The following EYA2 variants were observed in gnomAD, a reference collection of about 807,000 sequenced individuals.
EYA2 encodes the protein protein phosphatase EYA2.
EYA2 carries 31 observed loss-of-function variants against 69.2 expected under a neutral mutation model. The observed-to-expected ratio is 0.45, with a 90% CI of 0.34 to 0.60. The LOEUF (loss-of-function observed/expected upper bound fraction) is 0.60, where lower values mean the gene tolerates loss of function less well. EYA2 is among the 20% of genes least tolerant of loss of function. EYA2 has a pLI of 0.02. For missense variants in EYA2, 622 were observed against 701.2 expected (o/e 0.89, Z 1.28); for synonymous variants, 257 against 279.4 (o/e 0.92, Z 0.80).
At chr20:46,958,569 G>C (rs562746167) in intron 1 of EYA2, among the ~76,000 whole-genome samples, 4 of 152,250 alleles carry the variant, frequency 2.6e-5, no homozygotes, top group African/African-American at 9.6e-5. Context: ...AAACTGTTAA[G>C]TTCAGGGGTA....
intron 9 of EYA2, among the ~76,000 whole-genome samples, chr20:47,115,386 C>A (rs142447079): frequency 1.3e-4 from 20 of 152,292 alleles, no homozygotes; most frequent in Admixed American, 4.6e-4. Flanking sequence ...GTATGCTATT[C>A]TGAATTCTTA....
intron 1 of EYA2, among the ~76,000 whole-genome samples, chr20:46,902,142 G>C (rs1361238528): frequency 6.6e-6 from 1 of 152,220 alleles, no homozygotes; most frequent in Non-Finnish European, 1.5e-5. Flanking sequence ...TTGGGGGTTT[G>C]CTAGAGGTTT....
rs372743294 is a variant in EYA2, at chr20:47,057,139, G to GAGGGAGGA, written c.416-15043_416-15042insGAGGAAGG. Among the ~76,000 whole-genome samples the GAGGGAGGA allele has an allele frequency of 8.8e-4, 114 of 129,178 alleles. 1 individual carries two copies. The highest frequency in any genetic ancestry group is 2.2e-3 in the East Asian group (9 of 4,002). 84.7% of individuals were successfully genotyped at this position (129,178 alleles called of 152,430 possible). A position where few individuals can be genotyped will look rare whatever the true frequency, so the allele number is the denominator to read the frequency against. ...GGGAAGGAAGAAGACAGGAAGGAGG[G>GAGGGAGGA]AGGAAGGAAGGAAGGAAGGAAGGAA... On this transcript the variant is annotated intron_variant, in intron 5 of 15. Transcript: ENST00000327619.
At chr20:47,138,487 C>T (rs532576504) in intron 9 of EYA2, among the ~76,000 whole-genome samples, 14 of 152,096 alleles carry the variant, frequency 9.2e-5, no homozygotes, top group African/African-American at 2.4e-4. Context: ...TGGTGGCTCA[C>T]GCCTGTAATC....
chr20:47,046,782 T>A (rs2030061750), intron 5 of EYA2, among the ~76,000 whole-genome samples: 1 of 148,154 alleles, frequency 6.7e-6, no homozygotes, highest in African/African-American at 2.7e-5. Context: ...TTAAGGTGAG[T>A]TCAAGAGTTC....
At chr20:47,166,467 G>A (rs2034197320) in intron 10 of EYA2, among the ~76,000 whole-genome samples, 1 of 114,664 alleles carries the variant, frequency 8.7e-6, no homozygotes, top group Admixed American at 1.1e-4. Flanking sequence ...AAAGAGATCT[G>A]TTCAAAATGT....
At chr20:47,104,469 C>T (rs1406126745) in intron 9 of EYA2, among the ~76,000 whole-genome samples, 1 of 151,998 alleles carries the variant, frequency 6.6e-6, no homozygotes, top group Non-Finnish European at 1.5e-5. Context: ...TCTTTGGTTA[C>T]TTTTGCTTTT....
intron 9 of EYA2, among the ~76,000 whole-genome samples, chr20:47,135,875 A>C (rs1195798821): frequency 1.3e-5 from 2 of 149,196 alleles, no homozygotes; most frequent in African/African-American, 5.0e-5. Flanking sequence ...TTAATTAATT[A>C]ATTAGCTAGG....
At chr20:47,119,027 G>C (rs1016549199) in intron 9 of EYA2, among the ~76,000 whole-genome samples, 1 of 152,152 alleles carries the variant, frequency 6.6e-6, no homozygotes, top group African/African-American at 2.4e-5. Context: ...TGCTGCTCAC[G>C]ATGATAAGTG....
intron 1 of EYA2, among the ~76,000 whole-genome samples, chr20:46,908,863 T>A: frequency 9.0e-6 from 1 of 110,712 alleles, no homozygotes; most frequent in South Asian, 3.4e-4. Context: ...TAAGCCTCTC[T>A]CCCGCACTTT....
chr20:46,940,950 C>T (rs1034642250), intron 1 of EYA2, among the ~76,000 whole-genome samples: 3 of 152,222 alleles, frequency 2.0e-5, no homozygotes, highest in Non-Finnish European at 2.9e-5. Flanking sequence ...CCATCTGTCT[C>T]GCCACCTGCA....
rs200769878 is a variant in EYA2, at chr20:47,000,671, C to CT, written c.110-756dup. Among the ~76,000 whole-genome samples, 1,215 of 152,302 alleles carry CT rather than the reference C, an allele frequency of 8.0e-3. 15 individuals carry two copies. Among genetic ancestry groups the CT allele is most frequent in the African/African-American group, 0.028 (1,156 of 41,570 alleles). On this transcript the variant is annotated intron_variant, in intron 2 of 15. Coordinates refer to ENST00000327619, the MANE Select transcript of EYA2 (RefSeq NM_005244.5). ...GGCAAACGTCTCTCCCAGCTTAACT[C>CT]TGTCACCTTTTCGTCACCCCCTGCA...
At chr20:47,101,580 G>T (rs1412256403) in intron 9 of EYA2, among the ~76,000 whole-genome samples, 2 of 152,204 alleles carry the variant, frequency 1.3e-5, no homozygotes, top group African/African-American at 4.8e-5. Context: ...AGAAGAATGG[G>T]TATTAGAGGA....
At chr20:47,112,899 T>C (rs2032788169) in intron 9 of EYA2, among the ~76,000 whole-genome samples, 1 of 118,064 alleles carries the variant, frequency 8.5e-6, no homozygotes, top group Non-Finnish European at 1.7e-5. Context: ...TGAGACGGAG[T>C]CTTATTCTGT....
chr20:47,075,111 C>CA (rs928093741), intron 7 of EYA2, among the ~76,000 whole-genome samples: 4 of 152,190 alleles, frequency 2.6e-5, no homozygotes, highest in Admixed American at 6.5e-5. Flanking sequence ...AACTCCATCT[C>CA]AAAAAATTAA....
At chr20:47,011,713 C>T (rs2146362625) in intron 4 of EYA2, among the ~76,000 whole-genome samples, 1 of 152,280 alleles carries the variant, frequency 6.6e-6, no homozygotes, top group Non-Finnish European at 1.5e-5. Context: ...CCTCTTCCTC[C>T]TCCTCCAAGG....
chr20:47,115,644 C>G (rs1011047975), intron 9 of EYA2, among the ~76,000 whole-genome samples: 1 of 152,142 alleles, frequency 6.6e-6, no homozygotes, highest in Non-Finnish European at 1.5e-5. Context: ...CTCCTCCGCC[C>G]TCTCCACGGG....
intron 15 of EYA2, among the ~76,000 whole-genome samples, 187 bp from the exon 16 acceptor site, chr20:47,187,866 G>A (rs3818009): frequency 0.49 from 73,906 of 152,036 alleles, 18,414 homozygotes; most frequent in African/African-American, 0.58. Context: ...GAATAGAAAT[G>A]GTTGGCCATA....
At chr20:47,010,953 A>G (rs1453964894) in intron 4 of EYA2, among the ~76,000 whole-genome samples, 1 of 151,950 alleles carries the variant, frequency 6.6e-6, no homozygotes, top group Non-Finnish European at 1.5e-5. Flanking sequence ...ACACCCAGCT[A>G]ATTTTTTGTA....
Sources: gnomAD v4.1 joint callset for allele counts (sites outside exome capture counted in the v4.1 genomes callset) on GRCh38, gnomAD v4.1.1 for gene constraint, MANE v1.5 for transcripts, NCBI Gene and HGNC (gene_info 2026-07-23, HGNC 2026-07-21) for gene names.